Variants in CABIN1 observed in about 807,000 individuals in gnomAD.
The protein encoded by CABIN1 is calcineurin-binding protein cabin-1.
CABIN1 carries 133 observed loss-of-function variants against 227.7 expected under a neutral mutation model. The ratio of observed to expected loss-of-function variants is 0.58; its 90% CI spans 0.51 to 0.67. The LOEUF is 0.67. CABIN1 is among the 30% of genes least tolerant of loss of function. The pLI is 0.00. For synonymous variants in CABIN1, 1,086 were observed against 1,155.1 expected (o/e 0.94, Z 1.21); for missense variants, 2,408 against 2,852.5 (o/e 0.84, Z 3.55).
chr22:24,063,223 GGTGTGTGTGTGTATGTGTGTGTGT>G lies in CABIN1; in HGVS notation c.1884+89_1884+112del, dbSNP rs1445117766. 17 of 1,430,912 alleles carry G rather than the reference GGTGTGTGTGTGTATGTGTGTGTGT, an allele frequency of 1.2e-5. No individual in the cohort carries two copies. The East Asian group carries it at 3.2e-4, about 27-fold the overall frequency. The allele number at this position is 1,430,912 out of a possible 1,614,324, so 88.6% of individuals were successfully genotyped here. A position where few individuals can be genotyped will look rare whatever the true frequency, so the allele number is the denominator to read the frequency against. Reference sequence around the variant, plus strand: ...TGGGCAGAAAATTGACCATGTTGAGGGTGTGTGTGTGTATGTGTGTGTGTGTGTGTGTGTGCATGCATGTGTACA... The same window carrying G: ...TGGGCAGAAAATTGACCATGTTGAGGGTGTGTGTGTGCATGCATGTGTACA... On this transcript the variant is annotated intron_variant, in intron 14 of 36. Transcript: ENST00000263119.
At chr22:24,076,830 C>T (rs1055706966) in intron 19 of CABIN1, among the ~76,000 whole-genome samples, 1 of 152,162 alleles carries the variant, frequency 6.6e-6, no homozygotes, top group African/African-American at 2.4e-5. Context: ...ATAAGCAGCA[C>T]GAACCCTGTC....
In CABIN1 at chr22:24,125,312, G is replaced by A. The variant is rs1386799919; in HGVS notation, c.4632+5614G>A. Among the ~76,000 whole-genome samples the A allele has an allele frequency of 2.0e-5, 3 of 152,354 alleles. No homozygotes were observed. In the East Asian group the frequency reaches 5.8e-4, roughly 29 times the overall value. On this transcript the variant is annotated intron_variant, in intron 28 of 36. Coordinates refer to ENST00000263119, the MANE Select transcript of CABIN1 (RefSeq NM_012295.4). ...GACTTCAGGGTCAGCTGGTGCTCTG[G>A]TGTGAGCCTGGGTAAAGGACAGGTC...
At chr22:24,145,561 G>A (rs1413824337) in intron 29 of CABIN1, among the ~76,000 whole-genome samples, 2 of 152,180 alleles carry the variant, frequency 1.3e-5, no homozygotes, top group Non-Finnish European at 2.9e-5. Flanking sequence ...GGCCGAGGAG[G>A]TGGGCTTGGG....
chr22:24,022,431 C>A (rs2035790141), intron 1 of CABIN1, among the ~76,000 whole-genome samples: 1 of 152,188 alleles, frequency 6.6e-6, no homozygotes, highest in African/African-American at 2.4e-5. Flanking sequence ...TCAGTTGTTT[C>A]ATATATCAAT....
intron 6 of CABIN1, among the ~76,000 whole-genome samples, chr22:24,043,659 G>A (rs566439467): frequency 6.6e-6 from 1 of 152,218 alleles, no homozygotes; most frequent in Non-Finnish European, 1.5e-5. Flanking sequence ...GGCTGAGGTG[G>A]GAGGATTGCT....
At chr22:24,151,853 T>A (rs2045504138) in intron 29 of CABIN1, among the ~76,000 whole-genome samples, 1 of 152,206 alleles carries the variant, frequency 6.6e-6, no homozygotes, top group South Asian at 2.1e-4. Flanking sequence ...TTCTCCTGTC[T>A]GTCCTAGGCC....
At chr22:24,140,977 T>G (rs1372795760) in intron 29 of CABIN1, among the ~76,000 whole-genome samples, 1 of 152,216 alleles carries the variant, frequency 6.6e-6, no homozygotes, top group Non-Finnish European at 1.5e-5. Flanking sequence ...CTTACTCAGC[T>G]TGGGCTACCC....
intron 18 of CABIN1, among the ~76,000 whole-genome samples, chr22:24,073,739 G>A (rs944872000): frequency 6.6e-6 from 1 of 152,202 alleles, no homozygotes; most frequent in Non-Finnish European, 1.5e-5. Context: ...CATTGGGGAG[G>A]TGGAGTGGGG....
rs530134798 is a variant in CABIN1 at position 24,138,288 on chromosome 22, G to T, written c.4746+3873G>T. ...GGGCAGATTTAAGAGACAGCATCGT[G>T]CTGTGTCACCTAGGCCCTTGGGGGC... On this transcript the variant is annotated intron_variant, in intron 29 of 36. Transcript: ENST00000263119. Among the ~76,000 whole-genome samples, 3 of 152,320 alleles carry T rather than the reference G, an allele frequency of 2.0e-5. No individual in the cohort carries two copies. The South Asian group carries it at 6.2e-4, about 32-fold the overall frequency.
At chr22:24,081,784 T>G (rs951985944) in intron 19 of CABIN1, among the ~76,000 whole-genome samples, 19 of 152,162 alleles carry the variant, frequency 1.2e-4, no homozygotes, top group Non-Finnish European at 2.4e-4. Context: ...CCCAGCACTT[T>G]GGGAGGCTGA....
Position 24,096,102 on chromosome 22 carries a change from C to A in CABIN1, c.3938+20C>A. 6.2e-7 allele frequency: 1 copy of A among 1,613,502 alleles called. No homozygotes were observed. The highest frequency in any genetic ancestry group is 8.5e-7 in the Non-Finnish European group (1 of 1,179,682). On this transcript the variant is annotated intron_variant, in intron 25 of 36. Transcript: ENST00000263119. Reference sequence around the variant, plus strand: ...AGAAAAGTGAGTAGCACCCTTCAGGCGACCCCTAGCAGCTTACCCCATCTG... The same window carrying A: ...AGAAAAGTGAGTAGCACCCTTCAGGAGACCCCTAGCAGCTTACCCCATCTG...
At chr22:24,101,270 G>A (rs1438832930) in intron 26 of CABIN1, among the ~76,000 whole-genome samples, 1 of 152,162 alleles carries the variant, frequency 6.6e-6, no homozygotes, top group East Asian at 1.9e-4. Flanking sequence ...TTCTGATTTG[G>A]TTTAAGATTT....
At chr22:24,067,306 C>T in intron 16 of CABIN1, 125 bp downstream of exon 16, 2 of 960,366 alleles carry the variant, frequency 2.1e-6, no homozygotes, top group Non-Finnish European at 3.3e-6. Context: ...GATGTCAAAA[C>T]CACTAAGCCC....
intron 26 of CABIN1, among the ~76,000 whole-genome samples, chr22:24,108,086 T>C (rs2061756627): frequency 6.6e-6 from 1 of 152,240 alleles, no homozygotes; most frequent in South Asian, 2.1e-4. Flanking sequence ...TGCAGGGCAC[T>C]AGCCACGCCT....
At chr22:24,075,864 C>G (rs2040405741) in intron 18 of CABIN1, among the ~76,000 whole-genome samples, 1 of 152,046 alleles carries the variant, frequency 6.6e-6, no homozygotes, top group Non-Finnish European at 1.5e-5. Context: ...GATGCTGTGA[C>G]TGAGGTTCAC....
rs761140286 is a variant in CABIN1 at position 24,055,175 on chromosome 22, G to A, written c.1093+16G>A. The A allele has an allele frequency of 8.1e-6, 13 of 1,606,958 alleles. No homozygotes were observed. In the South Asian group the frequency reaches 1.3e-4, roughly 16 times the overall value. ...GCTCCTGTGGGTAAGCAGGCCCCCTGAATTTGGCTTCCGGGGAGACCCCGT... is the reference window on the plus strand; with the variant it reads ...GCTCCTGTGGGTAAGCAGGCCCCCTAAATTTGGCTTCCGGGGAGACCCCGT... On this transcript the variant is annotated intron_variant, in intron 9 of 36. Transcript: ENST00000263119.
rs957640612 is a variant in CABIN1 at position 24,100,744 on chromosome 22, A to G, written c.4117+2552A>G. ...GGCAAGTGCACAGCAGGCCCTGGTC[A>G]AAGGATCTGATTTCCAGTCCCAGCT... On this transcript the variant is annotated intron_variant, in intron 26 of 36. Coordinates refer to ENST00000263119, the MANE Select transcript of CABIN1 (RefSeq NM_012295.4). 3.3e-5 allele frequency among the ~76,000 whole-genome samples: 5 copies of G among 152,174 alleles called. 1 individual carries two copies. The highest frequency in any genetic ancestry group is 1.2e-4 in the African/African-American group (5 of 41,424).
intron 29 of CABIN1, among the ~76,000 whole-genome samples, chr22:24,142,263 G>C (rs1488758839): frequency 6.6e-6 from 1 of 152,084 alleles, no homozygotes; most frequent in Non-Finnish European, 1.5e-5. Flanking sequence ...GACACCCCAA[G>C]GCAGGGACCT....
At position 24,063,236 on chromosome 22, in the gene CABIN1, A is replaced by ATGTGTG. The variant is rs145495810; in HGVS notation, c.1884+107_1884+112dup. The ATGTGTG allele has an allele frequency of 1.4e-4, 154 of 1,110,014 alleles. No individual in the cohort carries two copies. In the East Asian group the frequency reaches 1.4e-3, roughly 10 times the overall value. The allele number at this position is 1,110,014 out of a possible 1,614,324, so 68.8% of individuals were successfully genotyped here. A position where few individuals can be genotyped will look rare whatever the true frequency, so the allele number is the denominator to read the frequency against. On this transcript the variant is annotated intron_variant, in intron 14 of 36. Transcript: ENST00000263119. Reference sequence around the variant, plus strand: ...GACCATGTTGAGGGTGTGTGTGTGTATGTGTGTGTGTGTGTGTGTGTGCAT... The same window carrying ATGTGTG: ...GACCATGTTGAGGGTGTGTGTGTGTATGTGTGTGTGTGTGTGTGTGTGTGTGTGCAT...
Sources: gnomAD v4.1 joint callset for allele counts (sites outside exome capture counted in the v4.1 genomes callset) on GRCh38, gnomAD v4.1.1 for gene constraint, MANE v1.5 for transcripts, NCBI Gene and HGNC (gene_info 2026-07-23, HGNC 2026-07-21) for gene names.